Variants in CROCC2 observed in about 807,000 individuals in gnomAD.
CROCC2 encodes the protein ciliary rootlet coiled-coil, rootletin family member 2.
In CROCC2, 163 loss-of-function variants were observed where a neutral mutation model predicts 177.6. That is an observed-to-expected ratio of 0.92 (90% CI 0.81 to 1.05). CROCC2 has a LOEUF of 1.05. CROCC2 is among the 50% of genes least tolerant of loss of function. CROCC2 has a pLI of 0.00. For synonymous variants in CROCC2, 904 were observed against 787.3 expected, an observed-to-expected ratio of 1.15 and a Z score of -2.48; for missense variants, 1,929 against 1,797.8, an observed-to-expected ratio of 1.07 and a Z score of -1.32.
intron 12 of CROCC2, among the ~76,000 whole-genome samples, 152 bp downstream of exon 12, chr2:240,934,627 C>A (rs1440447356): frequency 2.0e-5 from 3 of 152,166 alleles, no homozygotes; most frequent in Non-Finnish European, 4.4e-5. Context: ...TCTCTCCCGT[C>A]CCCAACCAGT....
Position 240,958,163 on chromosome 2 carries a change from C to T in CROCC2, c.2944-1138C>T. 1.0e-6 allele frequency: 1 copy of T among 985,396 alleles called. No individual in the cohort carries two copies. Among genetic ancestry groups the T allele is most frequent in the Non-Finnish European group, 1.2e-6 (1 of 829,914 alleles). 61.0% of individuals were successfully genotyped at this position (985,396 alleles called of 1,614,324 possible). On this transcript the variant is annotated intron_variant, in intron 19 of 31. Coordinates refer to ENST00000690015, the MANE Select transcript of CROCC2 (RefSeq NM_001351305.2). The surrounding 1 kb of genome is among the most constrained non-coding windows in gnomAD (Gnocchi z 6.7). ...GAGAGGAATGCCGGCCAAGGAGCACCAGGCGCCAGATGACAGGACAGCGTG... is the reference window on the plus strand; with the variant it reads ...GAGAGGAATGCCGGCCAAGGAGCACTAGGCGCCAGATGACAGGACAGCGTG...
In CROCC2 at chr2:240,933,863, G is replaced by T; in HGVS notation, c.1646+11G>T. 1 of 1,539,116 alleles carries T rather than the reference G, an allele frequency of 6.5e-7. No individual in the cohort carries two copies. On this transcript the variant is annotated intron_variant, in intron 11 of 31. Transcript: ENST00000690015. ...GGCACTGGAGACCAGGTGCGCGGCC[G>T]TGGCTGGGTGGGCAGGGCCCCTCCC...
At position 240,934,500 on chromosome 2, in the gene CROCC2, G is replaced by A. The variant is rs879943604; in HGVS notation, c.1791+25G>A. The stretch of plus-strand genomic sequence containing the variant: ...GGTACACTCTGCTCCCCACAACCCC[G>A]CCCCCTCTCCTGTCTGCCCCCACCC... On this transcript the variant is annotated intron_variant, in intron 12 of 31. Coordinates refer to ENST00000690015, the MANE Select transcript of CROCC2 (RefSeq NM_001351305.2). The A allele has an allele frequency of 9.0e-6, 13 of 1,448,066 alleles. No homozygotes were observed. In the East Asian group the frequency reaches 1.1e-4, roughly 12 times the overall value. 89.7% of individuals were successfully genotyped at this position (1,448,066 alleles called of 1,614,324 possible).
Position 240,959,320 on chromosome 2 carries a change from C to T in CROCC2, c.2963C>T (p.Thr988Ile), listed in dbSNP as rs902516095. Residue 988 changes from threonine to isoleucine, a missense_variant, in exon 20 of 32, where the codon ACT becomes ATT. By Grantham distance (89) the Thr-to-Ile change is moderately conservative (BLOSUM62 -1). Coordinates refer to ENST00000690015, the MANE Select transcript of CROCC2 (RefSeq NM_001351305.2). The stretch of plus-strand genomic sequence containing the variant: ...CCGCAGGCCACCATCAGTGCCACGA[C>T]TGAGGAGCTGAAGGCCCTCCAGGCC... ...EQAQATISATTEELKALQAQF... is the reference protein window; with the variant it reads ...EQAQATISATIEELKALQAQF... 1.3e-6 allele frequency: 2 copies of T among 1,550,486 alleles called. No homozygotes were observed. The highest frequency in any genetic ancestry group is 1.7e-6 in the Non-Finnish European group (2 of 1,146,948).
chr2:240,937,658 C>G (rs2059478430), intron 14 of CROCC2, among the ~76,000 whole-genome samples: 2 of 152,196 alleles, frequency 1.3e-5, no homozygotes, highest in African/African-American at 4.8e-5. Context: ...ACATTTGGAT[C>G]TATGATCCAT....
Position 240,966,226 on chromosome 2 carries a change from C to A in CROCC2, c.3963C>A (p.Gly1321=). The part of the protein sequence containing the change: ...SPEQPGSPTK[G]SDSSQALPGQ... ...CCCCTCCGCTGTCACCTCCCGCAGG[C>A]TCCGACAGCTCCCAGGCTCTCCCTG... The change falls in exon 25 of 32, where the codon GGC becomes GGA. Residue 1321 remains glycine (G), a splice_region_variant and synonymous_variant. Coordinates refer to ENST00000690015, the MANE Select transcript of CROCC2 (RefSeq NM_001351305.2). 1.2e-6 allele frequency: 1 copy of A among 862,602 alleles called. No homozygotes were observed. Among genetic ancestry groups the A allele is most frequent in the Non-Finnish European group, 1.5e-6 (1 of 648,012 alleles). 53.4% of individuals were successfully genotyped at this position (862,602 alleles called of 1,614,324 possible).
In CROCC2 at chr2:240,950,474, C is replaced by T. The variant is rs867857545; in HGVS notation, c.2793C>T (p.Asp931=). 32 of 1,549,954 alleles carry T rather than the reference C, an allele frequency of 2.1e-5. No homozygotes were observed. The highest frequency in any genetic ancestry group is 3.9e-5 in the Admixed American group (2 of 50,954). The part of the protein sequence containing the change: ...GEIQSLKQER[D]ESLLQLEHKM... ...TTCAGAGCCTGAAGCAGGAGCGGGACGAGAGCCTTCTCCAACTGGAGCACA... is the reference window on the plus strand; with the variant it reads ...TTCAGAGCCTGAAGCAGGAGCGGGATGAGAGCCTTCTCCAACTGGAGCACA... Residue 931 remains aspartate, a synonymous_variant, in exon 18 of 32, where the codon GAC becomes GAT. Coordinates refer to ENST00000690015, the MANE Select transcript of CROCC2 (RefSeq NM_001351305.2).
Position 240,934,800 on chromosome 2 carries a change from G to A in CROCC2, c.1792-116G>A, listed in dbSNP as rs141283489. ...CTGTGGCGACCTTCCCACCATGTCC[G>A]CCCAAGAGCTCTGGCTTGCACACCT... On this transcript the variant is annotated intron_variant, in intron 12 of 31. Transcript: ENST00000690015. 210 of 1,185,432 alleles carry A rather than the reference G, an allele frequency of 1.8e-4. No individual in the cohort carries two copies. The African/African-American group carries it at 2.6e-3, about 15-fold the overall frequency. 73.4% of individuals were successfully genotyped at this position (1,185,432 alleles called of 1,614,324 possible). A position where few individuals can be genotyped will look rare whatever the true frequency, so the allele number is the denominator to read the frequency against.
At chr2:240,968,010 A>G (rs960342621) in intron 26 of CROCC2, 119 bp from the exon 27 acceptor site, 15 of 1,115,366 alleles carry the variant, frequency 1.3e-5, no homozygotes, top group Non-Finnish European at 1.8e-5. Context: ...TTGAGCTGCA[A>G]GGATGGACCC....
intron 22 of CROCC2, among the ~76,000 whole-genome samples, chr2:240,965,081 G>C (rs10432571): frequency 0.32 from 48,128 of 152,072 alleles, 9,295 homozygotes; most frequent in African/African-American, 0.55. Context: ...GGGCAGTTGG[G>C]TCCAATGCAC....
intron 27 of CROCC2, among the ~76,000 whole-genome samples, chr2:240,975,876 C>T (rs2059759071): frequency 6.6e-6 from 1 of 151,890 alleles, no homozygotes; most frequent in Non-Finnish European, 1.5e-5. Context: ...ATTACAGGCG[C>T]CCGCCACCAC....
At chr2:240,939,009 T>C (rs1433221046) in intron 14 of CROCC2, among the ~76,000 whole-genome samples, 1 of 152,174 alleles carries the variant, frequency 6.6e-6, no homozygotes, top group African/African-American at 2.4e-5. Flanking sequence ...TTCTTCTTCT[T>C]ATCTTATTGC....
At chr2:240,967,074 C>T (rs1268565496) in intron 25 of CROCC2, among the ~76,000 whole-genome samples, 1 of 152,178 alleles carries the variant, frequency 6.6e-6, no homozygotes, top group African/African-American at 2.4e-5. Flanking sequence ...AGCTCTCCCA[C>T]ACCACACCTG....
At chr2:240,946,799 A>T (rs1281775206) in intron 15 of CROCC2, among the ~76,000 whole-genome samples, 1 of 152,200 alleles carries the variant, frequency 6.6e-6, no homozygotes, top group African/African-American at 2.4e-5. Flanking sequence ...GCTGTGTGAC[A>T]TCCCTGTACC....
intron 15 of CROCC2, among the ~76,000 whole-genome samples, chr2:240,947,378 G>T (rs1002770917): frequency 1.3e-5 from 2 of 152,156 alleles, no homozygotes; most frequent in African/African-American, 4.8e-5. Context: ...GCCCTCAGCA[G>T]CCTGGGTGCT....
chr2:240,948,777 T>C (rs776604688), intron 15 of CROCC2, among the ~76,000 whole-genome samples: 3 of 152,242 alleles, frequency 2.0e-5, no homozygotes, highest in Non-Finnish European at 4.4e-5. Context: ...GGGACTCTTT[T>C]CATGACATGA....
At chr2:240,988,676 G>C in intron 28 of CROCC2, 63 bp from the exon 29 acceptor site, 4 of 1,310,822 alleles carry the variant, frequency 3.1e-6, no homozygotes, top group Non-Finnish European at 3.9e-6. Context: ...TCCCAGAGGA[G>C]GGCTGGCCTG....
intron 1 of CROCC2, among the ~76,000 whole-genome samples, chr2:240,913,138 C>T (rs1243009302): frequency 3.9e-5 from 6 of 152,214 alleles, no homozygotes; most frequent in Non-Finnish European, 7.3e-5. Context: ...TCGTGTCCCA[C>T]AATCCTCCAC....
chr2:240,966,513 A>C (rs2059686016), intron 25 of CROCC2, 104 bp downstream of exon 25: 3 of 397,942 alleles, frequency 7.5e-6, no homozygotes, highest in Non-Finnish European at 1.3e-5. Flanking sequence ...TCTGAGGGTC[A>C]GTGTCCAGGC....
Sources: gnomAD v4.1 joint callset for allele counts (sites outside exome capture counted in the v4.1 genomes callset) on GRCh38, gnomAD v4.1.1 for gene constraint, Gnocchi (gnomAD v3.1) non-coding constraint, MANE v1.5 for transcripts, NCBI Gene and HGNC (gene_info 2026-07-23, HGNC 2026-07-21) for gene names.